The following FAF1 variants were observed in gnomAD, a reference collection of about 807,000 sequenced individuals.
FAF1 encodes FAS-associated factor 1.
Under a neutral mutation model 92.5 loss-of-function variants are expected in FAF1, and 25 were observed. The ratio of observed to expected loss-of-function variants is 0.27; its 90% CI spans 0.20 to 0.38. FAF1 has a LOEUF of 0.38. Ranked by LOEUF, FAF1 falls within the 10% of genes least tolerant of loss-of-function variation. The pLI, the probability that FAF1 is intolerant of heterozygous loss-of-function variation, is 1.00. For missense variants in FAF1, 636 were observed against 793.3 expected (o/e 0.80, Z 2.38); for synonymous variants, 234 against 273.2 (o/e 0.86, Z 1.42).
intron 15 of FAF1, 57 bp downstream of exon 15, chr1:50,535,312 A>C: frequency 2.6e-6 from 3 of 1,159,860 alleles, no homozygotes; most frequent in Non-Finnish European, 3.9e-6. Context: ...TCATTTGACA[A>C]ATTAAAATCC....
intron 8 of FAF1, among the ~76,000 whole-genome samples, chr1:50,603,581 A>G (rs1394485765): frequency 6.6e-6 from 1 of 152,084 alleles, no homozygotes; most frequent in African/African-American, 2.4e-5. Context: ...CCAAAGCGCA[A>G]CTCTAAAAAG....
At chr1:50,946,239 C>T (rs779464512) in intron 1 of FAF1, among the ~76,000 whole-genome samples, 4 of 152,142 alleles carry the variant, frequency 2.6e-5, no homozygotes, top group Non-Finnish European at 5.9e-5. Context: ...AAGCTTTTGC[C>T]CAATCAGGAC....
At chr1:50,669,135 T>C (rs1384404838) in intron 7 of FAF1, among the ~76,000 whole-genome samples, 1 of 152,144 alleles carries the variant, frequency 6.6e-6, no homozygotes, top group African/African-American at 2.4e-5. Flanking sequence ...AAGCAGATCC[T>C]TCCTTCCTCC....
intron 15 of FAF1, among the ~76,000 whole-genome samples, chr1:50,514,382 A>C (rs1647180153): frequency 6.6e-6 from 1 of 152,226 alleles, no homozygotes; most frequent in South Asian, 2.1e-4. Flanking sequence ...ATTTGTCTGT[A>C]AAATCATTAT....
intron 7 of FAF1, among the ~76,000 whole-genome samples, chr1:50,674,778 C>T (rs1166656058): frequency 6.6e-6 from 1 of 152,162 alleles, no homozygotes; most frequent in Non-Finnish European, 1.5e-5. Flanking sequence ...AACATTATCA[C>T]TCATGCTTCA....
chr1:50,701,480 A>G (rs1657471735), intron 7 of FAF1, among the ~76,000 whole-genome samples: 1 of 152,126 alleles, frequency 6.6e-6, no homozygotes, highest in African/African-American at 2.4e-5. Flanking sequence ...CCACTACTAG[A>G]ACATCAATAA....
chr1:50,449,925 T>C (rs1646274625), intron 18 of FAF1, among the ~76,000 whole-genome samples: 1 of 151,946 alleles, frequency 6.6e-6, no homozygotes, highest in African/African-American at 2.4e-5. Flanking sequence ...CTGGGTGTGG[T>C]GGCTCATGCC....
At chr1:50,788,267 G>A in intron 3 of FAF1, 62 bp from the exon 4 acceptor site, 1 of 1,393,460 alleles carries the variant, frequency 7.2e-7, no homozygotes, top group Non-Finnish European at 1.0e-6. Flanking sequence ...TACTACTAGG[G>A]ACCCTCTCCA....
chr1:50,611,654 G>T (rs896416833), intron 8 of FAF1, among the ~76,000 whole-genome samples: 1 of 152,210 alleles, frequency 6.6e-6, no homozygotes, highest in Non-Finnish European at 1.5e-5. Context: ...CTATTTAGAT[G>T]AAGACCCAGA....
Position 50,475,322 on chromosome 1 carries a change from A to G in FAF1, c.1869+142T>C, listed in dbSNP as rs1268073792. 11 of 635,178 alleles carry G rather than the reference A, an allele frequency of 1.7e-5. 1 individual carries two copies. In the South Asian group the frequency reaches 2.3e-4, roughly 13 times the overall value. The allele number at this position is 635,178 out of a possible 1,614,324, so 39.3% of individuals were successfully genotyped here. ...ACTTTCTCCAAAAGCTAAGGAGAGA[A>G]TGGTGTGCAGAACAAAGAAGGACTC... is the stretch of plus-strand genomic sequence containing the variant. On this transcript the variant is annotated intron_variant, in intron 18 of 18. Transcript: ENST00000396153.
At chr1:50,944,979 G>A (rs974717937) in intron 1 of FAF1, among the ~76,000 whole-genome samples, 17 of 148,854 alleles carry the variant, frequency 1.1e-4, no homozygotes, top group African/African-American at 4.3e-4. Context: ...TGGCAAAACT[G>A]GCTTTCTAAT....
chr1:50,918,297 G>T (rs1050703394), intron 1 of FAF1, among the ~76,000 whole-genome samples: 5 of 117,206 alleles, frequency 4.3e-5, no homozygotes, highest in South Asian at 6.5e-4. Context: ...ACCCACTAAC[G>T]TGTCATCTAG....
At chr1:50,939,537 C>T (rs1433418784) in intron 1 of FAF1, among the ~76,000 whole-genome samples, 1 of 152,128 alleles carries the variant, frequency 6.6e-6, no homozygotes. Flanking sequence ...CTGGCTAGGA[C>T]TATGTACTAT....
chr1:50,842,262 A>T (rs1240958394), intron 2 of FAF1, among the ~76,000 whole-genome samples: 1 of 152,112 alleles, frequency 6.6e-6, no homozygotes, highest in East Asian at 1.9e-4. Flanking sequence ...AGGTTGATGC[A>T]GCCCAAATGG....
At chr1:50,713,773 C>CTTTTTTTTT (rs58832551) in intron 6 of FAF1, among the ~76,000 whole-genome samples, 1 of 119,546 alleles carries the variant, frequency 8.4e-6, no homozygotes, top group Non-Finnish European at 1.7e-5. Context: ...AATGTAAAAG[C>CTTTTTTTTT]TTTTTTTTTT....
At chr1:50,645,310 C>A (rs72900936) in intron 8 of FAF1, among the ~76,000 whole-genome samples, 301 of 152,324 alleles carry the variant, frequency 2.0e-3, no homozygotes, top group African/African-American at 6.9e-3. Flanking sequence ...GCTTCTGATT[C>A]TGCATGTGTA....
intron 7 of FAF1, among the ~76,000 whole-genome samples, chr1:50,696,420 T>C (rs1300975825): frequency 2.6e-5 from 4 of 152,222 alleles, no homozygotes; most frequent in South Asian, 2.1e-4. Flanking sequence ...AAATCACATT[T>C]ATTTCTTCAT....
chr1:50,572,994 G>T (rs1250349762), intron 12 of FAF1, among the ~76,000 whole-genome samples: 1 of 151,894 alleles, frequency 6.6e-6, no homozygotes, highest in African/African-American at 2.4e-5. Context: ...CTGCGAAGGT[G>T]ATACTTGAGC....
At chr1:50,793,736 C>T (rs934982821) in intron 3 of FAF1, among the ~76,000 whole-genome samples, 3 of 152,220 alleles carry the variant, frequency 2.0e-5, no homozygotes, top group Non-Finnish European at 2.9e-5. Flanking sequence ...TCAACTCTCC[C>T]GCTCTTTGTC....
Sources: allele counts gnomAD v4.1 joint callset (sites outside exome capture counted in the v4.1 genomes callset), GRCh38; gene constraint gnomAD v4.1.1; transcripts MANE v1.5; gene names NCBI Gene and HGNC (gene_info 2026-07-23, HGNC 2026-07-21).